Variants in GPA33 observed in about 807,000 individuals in gnomAD.
The protein encoded by GPA33 is cell surface A33 antigen.
Under a neutral mutation model 35.6 loss-of-function variants are expected in GPA33, and 27 were observed. The observed-to-expected ratio is 0.76, with a 90% CI of 0.56 to 1.04. The LOEUF (loss-of-function observed/expected upper bound fraction) is 1.04. Among genes scored for constraint, GPA33 ranks in the 50% least tolerant of loss-of-function variants. GPA33 has a pLI of 0.00. For synonymous variants in GPA33, 176 were observed against 164.0 expected (o/e 1.07, Z -0.56); for missense variants, 428 against 411.9 (o/e 1.04, Z -0.34).
chr1:167,060,616 T>C (rs180826751), intron 4 of GPA33, among the ~76,000 whole-genome samples: 122 of 151,242 alleles, frequency 8.1e-4, no homozygotes, highest in Admixed American at 8.0e-3. Flanking sequence ...TCACCTCCTT[T>C]CCTGTCCTCA....
At chr1:167,084,592 C>T (rs552976886) in intron 1 of GPA33, among the ~76,000 whole-genome samples, 1 of 152,276 alleles carries the variant, frequency 6.6e-6, no homozygotes, top group South Asian at 2.1e-4. Context: ...CTTCTTGTCT[C>T]TTTAGATGTT....
At chr1:167,059,037 C>T (rs753071189) in intron 4 of GPA33, among the ~76,000 whole-genome samples, 1 of 152,220 alleles carries the variant, frequency 6.6e-6, no homozygotes, top group Non-Finnish European at 1.5e-5. Flanking sequence ...GTGTAGGCAG[C>T]ACACTGCAGA....
At chr1:167,089,252 G>A (rs999668677) in intron 1 of GPA33, among the ~76,000 whole-genome samples, 9 of 152,116 alleles carry the variant, frequency 5.9e-5, no homozygotes, top group African/African-American at 1.7e-4. Context: ...TGTAGGCCCC[G>A]TGGCCCGGGG....
chr1:167,082,499 T>C (rs1298085285), intron 1 of GPA33, among the ~76,000 whole-genome samples: 1 of 151,720 alleles, frequency 6.6e-6, no homozygotes, highest in East Asian at 1.9e-4. Context: ...GAAGGAGAAA[T>C]GGAGGTGGGT....
Position 167,088,130 on chromosome 1 carries a change from T to C in GPA33, c.43+2115A>G, listed in dbSNP as rs954130157. On this transcript the variant is annotated intron_variant, in intron 1 of 6. Coordinates refer to ENST00000367868, the MANE Select transcript of GPA33 (RefSeq NM_005814.3). ...TAGCAGAATCAATTCCTCGGAAAGG[T>C]CAGATGGGAAGAGAAAGAAGAGAAA... Among the ~76,000 whole-genome samples, 3 of 151,876 alleles carry C rather than the reference T, an allele frequency of 2.0e-5. No individual in the cohort carries two copies. The East Asian group carries it at 5.8e-4, about 29-fold the overall frequency.
Position 167,063,618 on chromosome 1 carries a change from T to G in GPA33, c.535A>C (p.Asn179His). The change falls in exon 4 of 7, where the codon AAC (asparagine) becomes CAC (histidine). Residue 179 changes from asparagine to histidine, a missense_variant. Asn to His is a moderately conservative substitution (Grantham distance 68). Coordinates refer to ENST00000367868, the MANE Select transcript of GPA33 (RefSeq NM_005814.3). ...PTPQYSWKRYNILNQEQPLAQ... is the reference protein window; with the variant it reads ...PTPQYSWKRYHILNQEQPLAQ... Reference sequence around the variant, plus strand: ...AGGGGCTGCTCCTGATTCAGGATGTTGTACCTCTTCCAGCTGTACTGAGGG... The same window carrying G: ...AGGGGCTGCTCCTGATTCAGGATGTGGTACCTCTTCCAGCTGTACTGAGGG... 1 of 1,612,984 alleles carries G rather than the reference T, an allele frequency of 6.2e-7. No homozygotes were observed. Among genetic ancestry groups the G allele is most frequent in the East Asian group, 2.2e-5 (1 of 44,858 alleles).
At chr1:167,062,826 G>C (rs867965601) in intron 4 of GPA33, among the ~76,000 whole-genome samples, 1 of 151,948 alleles carries the variant, frequency 6.6e-6, no homozygotes, top group South Asian at 2.1e-4. Context: ...TGGTGTGTCT[G>C]GGGCAGCGGG....
At chr1:167,089,331 C>T (rs147187726) in intron 1 of GPA33, among the ~76,000 whole-genome samples, 14 of 152,302 alleles carry the variant, frequency 9.2e-5, no homozygotes, top group Non-Finnish European at 1.5e-4. Context: ...AGGCTTGGTG[C>T]TCCTGAGTTT....
chr1:167,077,536 A>T (rs1407859958), intron 1 of GPA33, among the ~76,000 whole-genome samples: 1 of 152,124 alleles, frequency 6.6e-6, no homozygotes, highest in Non-Finnish European at 1.5e-5. Flanking sequence ...ACATTAAGGG[A>T]CTTCTGCCAC....
chr1:167,055,071 G>A lies in GPA33; in HGVS notation c.732C>T (p.Gly244=), dbSNP rs752212756. The A allele has an allele frequency of 1.9e-5, 30 of 1,613,448 alleles. No homozygotes were observed. The highest frequency in any genetic ancestry group is 4.4e-5 in the South Asian group (4 of 91,080). ...CAATGATAATGAGGGCTGCAACCAC[G>A]CCCACCGCGATGCCCACATACAGGG... The part of the protein sequence containing the change: ...NVALYVGIAV[G]VVAALIIIGI... Residue 244 remains glycine (G), a synonymous_variant, in exon 6 of 7, where the codon GGC becomes GGT. Transcript: ENST00000367868.
At chr1:167,082,287 T>C (rs1049510092) in intron 1 of GPA33, 3 of 456,192 alleles carry the variant, frequency 6.6e-6, no homozygotes, top group African/African-American at 4.0e-5. Context: ...ATTTCTTCTA[T>C]GTGTACTTTT....
At chr1:167,065,717 C>T (rs1037262738) in intron 3 of GPA33, among the ~76,000 whole-genome samples, 1 of 152,134 alleles carries the variant, frequency 6.6e-6, no homozygotes, top group Admixed American at 6.5e-5. Flanking sequence ...TTGGGTGTGC[C>T]CAACATCTCC....
At chr1:167,064,413 C>T (rs1024460802) in intron 3 of GPA33, among the ~76,000 whole-genome samples, 3 of 152,194 alleles carry the variant, frequency 2.0e-5, no homozygotes, top group African/African-American at 7.2e-5. Flanking sequence ...GCTCTTATAA[C>T]TCCAGATCCT....
chr1:167,056,722 T>TGGCGA (rs1666290058), intron 4 of GPA33, among the ~76,000 whole-genome samples: 1 of 76,836 alleles, frequency 1.3e-5, no homozygotes. Flanking sequence ...GTGTGTGTAG[T>TGGCGA]GTGTGATGTA....
Position 167,059,759 on chromosome 1 carries a change from A to C in GPA33, c.571+3823T>G, listed in dbSNP as rs1571304986. ...CTCATCCTCTTCACAGCTTTTGGGG[A>C]ATCCCAGTTTTTTTCAAAGGGCAGT... On this transcript the variant is annotated intron_variant, in intron 4 of 6. Coordinates refer to ENST00000367868, the MANE Select transcript of GPA33 (RefSeq NM_005814.3). Among the ~76,000 whole-genome samples, 4 of 152,166 alleles carry C rather than the reference A, an allele frequency of 2.6e-5. No individual in the cohort carries two copies. The South Asian group carries it at 8.3e-4, about 32-fold the overall frequency.
intron 5 of GPA33, 40 bp downstream of exon 5, chr1:167,055,690 T>C (rs1381856465): frequency 6.2e-7 from 1 of 1,609,852 alleles, no homozygotes; most frequent in Admixed American, 1.7e-5. Flanking sequence ...CCAGTTATCC[T>C]GTGGCGTTTG....
chr1:167,082,848 G>A (rs1666978760), intron 1 of GPA33, among the ~76,000 whole-genome samples: 1 of 152,182 alleles, frequency 6.6e-6, no homozygotes, highest in Admixed American at 6.5e-5. Flanking sequence ...CACCAGGGCA[G>A]AAAATGAGGA....
chr1:167,057,970 G>C (rs1418118746), intron 4 of GPA33, among the ~76,000 whole-genome samples: 15 of 152,196 alleles, frequency 9.9e-5, no homozygotes, highest in African/African-American at 3.4e-4. Flanking sequence ...AGGCCAAGGC[G>C]GGCAGATCAC....
At chr1:167,069,611 G>C (rs935206853) in intron 2 of GPA33, among the ~76,000 whole-genome samples, 1 of 152,208 alleles carries the variant, frequency 6.6e-6, no homozygotes, top group African/African-American at 2.4e-5. Flanking sequence ...CTGATTGATT[G>C]ATAGACTCAT....
Sources: gnomAD v4.1 joint callset for allele counts (sites outside exome capture counted in the v4.1 genomes callset) on GRCh38, gnomAD v4.1.1 for gene constraint, MANE v1.5 for transcripts, NCBI Gene and HGNC (gene_info 2026-07-23, HGNC 2026-07-21) for gene names.